POTEC: variants seen among roughly 807,000 people sequenced by gnomAD.
POTEC encodes the protein ANKRD26-like family B member 2.
Under a neutral mutation model 62.0 loss-of-function variants are expected in POTEC, and 35 were observed. The observed-to-expected ratio is 0.56, with a 90% confidence interval of 0.43 to 0.75. The LOEUF (loss-of-function observed/expected upper bound fraction) is 0.75, where lower values mean the gene tolerates loss of function less well. Ranked by LOEUF, POTEC falls within the 30% of genes least tolerant of loss-of-function variation. POTEC has a pLI of 0.00. For missense variants in POTEC, 472 were observed against 655.9 expected, an observed-to-expected ratio of 0.72 and a Z score of 3.06; for synonymous variants, 156 against 221.5, an observed-to-expected ratio of 0.70 and a Z score of 2.62.
At chr18:14,513,893 A>T in intron 9 of POTEC, 108 bp from the exon 10 acceptor site, 1 of 1,566,370 alleles carries the variant, frequency 6.4e-7, no homozygotes. Flanking sequence ...TCTGCACATT[A>T]ATCCAAGACA....
Position 14,543,174 on chromosome 18 carries a change from T to C in POTEC, c.-28A>G, listed in dbSNP as rs772954938. On this transcript the variant is annotated 5_prime_UTR_variant, in exon 1 of 11. Coordinates refer to ENST00000358970, the MANE Select transcript of POTEC (RefSeq NM_001137671.2). ...GCTTTTAACAGCCCGGGGAGGCCGG[T>C]AGTAGCGAACAGATCGCGTCTACCA... is the stretch of plus-strand genomic sequence containing the variant. The C allele has an allele frequency of 2.5e-5, 41 of 1,613,496 alleles. No individual in the cohort carries two copies. The highest frequency in any genetic ancestry group is 8.3e-5 in the Admixed American group (5 of 59,984).
chr18:14,518,935 GA>G (rs1910239368), intron 9 of POTEC, among the ~76,000 whole-genome samples: 1 of 152,168 alleles, frequency 6.6e-6, no homozygotes, highest in Non-Finnish European at 1.5e-5. Flanking sequence ...GCAGAGGAAT[GA>G]AACAATTTGA....
At chr18:14,535,109 A>C (rs1035552891) in intron 3 of POTEC, 102 bp from the exon 4 acceptor site, 17 of 1,544,576 alleles carry the variant, frequency 1.1e-5, no homozygotes, top group Non-Finnish European at 1.4e-5. Context: ...AAAGTAAATA[A>C]AATTTGGTCA....
At chr18:14,521,450 T>C (rs996196240) in intron 9 of POTEC, among the ~76,000 whole-genome samples, 5 of 152,194 alleles carry the variant, frequency 3.3e-5, no homozygotes, top group African/African-American at 9.6e-5. Context: ...CTATTTCCTA[T>C]TGGTAAGGAT....
At chr18:14,513,536 T>TAG in intron 10 of POTEC, 126 bp downstream of exon 10, 1 of 1,139,840 alleles carries the variant, frequency 8.8e-7, no homozygotes, top group African/African-American at 1.6e-5. Context: ...TTTACATATA[T>TAG]ACACACACAC....
Position 14,511,629 on chromosome 18 carries a change from A to T in POTEC, c.*269T>A. The T allele has an allele frequency of 1.1e-5, 6 of 547,614 alleles. No homozygotes were observed. Among genetic ancestry groups the T allele is most frequent in the Non-Finnish European group, 1.9e-5 (6 of 308,460 alleles). 33.9% of individuals were successfully genotyped at this position (547,614 alleles called of 1,614,324 possible). A position where few individuals can be genotyped will look rare whatever the true frequency, so the allele number is the denominator to read the frequency against. ...CTTTCAGCTATCTGACTTTGATCACAATCATGTAGAGCAGTAGTCAGTCTA... is the reference window on the plus strand; with the variant it reads ...CTTTCAGCTATCTGACTTTGATCACTATCATGTAGAGCAGTAGTCAGTCTA... On this transcript the variant is annotated 3_prime_UTR_variant, in exon 11 of 11. Transcript: ENST00000358970.
At chr18:14,512,774 TACAC>T (rs55928315) in intron 10 of POTEC, among the ~76,000 whole-genome samples, 10,062 of 150,090 alleles carry the variant, frequency 0.067, 385 homozygotes, top group Non-Finnish European at 0.08. Flanking sequence ...CCATCTAGAA[TACAC>T]ACACACACAC....
At chr18:14,514,352 A>C (rs1910092607) in intron 9 of POTEC, among the ~76,000 whole-genome samples, 1 of 151,854 alleles carries the variant, frequency 6.6e-6, no homozygotes, top group Admixed American at 6.6e-5. Context: ...AAACAGATGA[A>C]GCTTCACTTG....
At position 14,543,332 on chromosome 18, in the gene POTEC, C is replaced by G. The variant is rs1401783566; in HGVS notation, c.-186G>C. On this transcript the variant is annotated 5_prime_UTR_variant, in exon 1 of 11. Transcript: ENST00000358970. The stretch of plus-strand genomic sequence containing the variant: ...CACCCAGGGAAAACCCACACCCACC[C>G]GGGGAAAGCCCACGCCCACCAGGGG... The G allele has an allele frequency of 4.6e-6, 5 of 1,086,384 alleles. No homozygotes were observed. In the African/African-American group the frequency reaches 4.9e-5, roughly 11 times the overall value. The allele number at this position is 1,086,384 out of a possible 1,614,324, so 67.3% of individuals were successfully genotyped here. A position where few individuals can be genotyped will look rare whatever the true frequency, so the allele number is the denominator to read the frequency against.
intron 5 of POTEC, among the ~76,000 whole-genome samples, chr18:14,532,539 A>C (rs1478783393): frequency 6.6e-6 from 1 of 152,204 alleles, no homozygotes; most frequent in Middle Eastern, 3.2e-3. Flanking sequence ...GAGTGGCAAC[A>C]ATGCAGCAAC....
At position 14,528,893 on chromosome 18, in the gene POTEC, T is replaced by C. The variant is rs148615552; in HGVS notation, c.1126+1590A>G. 3,827 of 451,380 alleles carry C rather than the reference T, an allele frequency of 8.5e-3. 122 individuals carry two copies. Among genetic ancestry groups the C allele is most frequent in the African/African-American group, 0.069 (3,466 of 49,878 alleles). The allele number at this position is 451,380 out of a possible 1,614,324, so 28.0% of individuals were successfully genotyped here. The stretch of plus-strand genomic sequence containing the variant: ...ACTTTTGGTACTAGCAAAAGTGAAC[T>C]GCTCAGAAACCCTGCAAGGTTCACT... On this transcript the variant is annotated intron_variant, in intron 6 of 10. Coordinates refer to ENST00000358970, the MANE Select transcript of POTEC (RefSeq NM_001137671.2).
chr18:14,520,598 A>T (rs1344684336), intron 9 of POTEC, among the ~76,000 whole-genome samples: 1 of 151,866 alleles, frequency 6.6e-6, no homozygotes, highest in Non-Finnish European at 1.5e-5. Flanking sequence ...CTGTGGAAAA[A>T]TATGGTGAGG....
intron 10 of POTEC, among the ~76,000 whole-genome samples, chr18:14,512,648 G>A (rs1281549663): frequency 6.6e-6 from 1 of 152,192 alleles, no homozygotes; most frequent in East Asian, 1.9e-4. Context: ...GCTCACACCT[G>A]TAATCCCAGC....
At chr18:14,527,142 A>T (rs1910458107) in intron 6 of POTEC, among the ~76,000 whole-genome samples, 2 of 152,100 alleles carry the variant, frequency 1.3e-5, no homozygotes, top group African/African-American at 4.8e-5. Flanking sequence ...CAATATTTAG[A>T]TTTCTATCTA....
At chr18:14,513,520 T>C in intron 10 of POTEC, 142 bp downstream of exon 10, 2 of 1,314,402 alleles carry the variant, frequency 1.5e-6, no homozygotes, top group Non-Finnish European at 2.0e-6. Context: ...ATATACAGGG[T>C]GTGTGTTTAC....
intron 7 of POTEC, 139 bp downstream of exon 7, chr18:14,524,774 T>C (rs1017515781): frequency 3.7e-6 from 3 of 801,010 alleles, no homozygotes; most frequent in Non-Finnish European, 5.3e-6. Flanking sequence ...TTTAAGAATC[T>C]TATTAAAAAA....
At position 14,533,867 on chromosome 18, in the gene POTEC, T is replaced by TTC. The variant is rs930473244; in HGVS notation, c.918-671_918-670dup. On this transcript the variant is annotated intron_variant, in intron 4 of 10. Transcript: ENST00000358970. The stretch of plus-strand genomic sequence containing the variant: ...TGTGTGAATCCAAAGCCTAGCTCTT[T>TTC]TCTCTCTCTTTTTTTTTTTTCCATG... Among the ~76,000 whole-genome samples, 7 of 146,324 alleles carry TTC rather than the reference T, an allele frequency of 4.8e-5. No homozygotes were observed. The East Asian group carries it at 7.1e-4, about 15-fold the overall frequency.
chr18:14,540,874 T>C (rs1157859808), intron 1 of POTEC, among the ~76,000 whole-genome samples: 1 of 149,860 alleles, frequency 6.7e-6, no homozygotes, highest in East Asian at 1.9e-4. Flanking sequence ...CATTCCTCTA[T>C]ATTTATTTAT....
intron 9 of POTEC, among the ~76,000 whole-genome samples, chr18:14,521,863 G>A (rs1367221713): frequency 6.6e-6 from 1 of 152,148 alleles, no homozygotes; most frequent in Non-Finnish European, 1.5e-5. Flanking sequence ...TGAGGGTGGA[G>A]TGTGGCAGGA....
Sources: gnomAD v4.1 joint callset for allele counts (sites outside exome capture counted in the v4.1 genomes callset) on GRCh38, gnomAD v4.1.1 for gene constraint, MANE v1.5 for transcripts, NCBI Gene and HGNC (gene_info 2026-07-23, HGNC 2026-07-21) for gene names.